The following GABRB1 variants were observed in gnomAD, a reference collection of about 807,000 sequenced individuals.
The protein encoded by GABRB1 is gamma-aminobutyric acid type A receptor subunit beta1.
In GABRB1, 17 loss-of-function variants were observed where a neutral mutation model predicts 51.6. That is an observed-to-expected ratio of 0.33 (90% CI 0.23 to 0.49). The LOEUF (loss-of-function observed/expected upper bound fraction) is 0.49. Ranked by LOEUF, GABRB1 falls within the 20% of genes least tolerant of loss-of-function variation. The probability of loss-of-function intolerance (pLI) is 0.99; values close to 1 mark genes in which losing one functional copy is unlikely to be tolerated. For synonymous variants in GABRB1, 247 were observed against 218.9 expected, an observed-to-expected ratio of 1.13 and a Z score of -1.14; for missense variants, 410 against 600.6, an observed-to-expected ratio of 0.68 and a Z score of 3.32.
chr4:47,086,782 A>G (rs113882538), intron 3 of GABRB1, among the ~76,000 whole-genome samples: 3 of 152,206 alleles, frequency 2.0e-5, no homozygotes, highest in African/African-American at 7.2e-5. Context: ...TCTCACATAG[A>G]GCTCTCATTT....
chr4:47,353,960 A>G (rs1726458335), intron 5 of GABRB1, among the ~76,000 whole-genome samples: 1 of 152,006 alleles, frequency 6.6e-6, no homozygotes, highest in Non-Finnish European at 1.5e-5. Flanking sequence ...ACACACACAC[A>G]TTTATCTCCC....
At chr4:47,167,240 T>C (rs1718228891) in intron 4 of GABRB1, among the ~76,000 whole-genome samples, 3 of 152,122 alleles carry the variant, frequency 2.0e-5, no homozygotes, top group Admixed American at 6.6e-5. Context: ...AATGACCAGA[T>C]GTATTCTGCC....
intron 3 of GABRB1, among the ~76,000 whole-genome samples, chr4:47,119,523 T>A (rs1715664479): frequency 6.6e-6 from 1 of 151,582 alleles, no homozygotes; most frequent in Non-Finnish European, 1.5e-5. Context: ...TTTTTTTTTT[T>A]TTGAGACTGA....
intron 5 of GABRB1, among the ~76,000 whole-genome samples, chr4:47,328,498 C>G (rs1255965665): frequency 6.6e-6 from 1 of 152,108 alleles, no homozygotes; most frequent in Non-Finnish European, 1.5e-5. Context: ...TTCATAATAG[C>G]AAAGACTTGG....
chr4:47,403,191 T>C (rs548028914), intron 5 of GABRB1, 127 bp from the exon 6 acceptor site: 2 of 926,692 alleles, frequency 2.2e-6, no homozygotes, highest in South Asian at 3.3e-5. Context: ...GAGACCTGCA[T>C]ACCACCCTAG....
intron 5 of GABRB1, among the ~76,000 whole-genome samples, chr4:47,353,531 T>C (rs1480197879): frequency 6.6e-6 from 1 of 152,188 alleles, no homozygotes; most frequent in Non-Finnish European, 1.5e-5. Context: ...CTTCCCACCT[T>C]TATAGGCGAA....
chr4:46,998,264 A>G (rs576114136), intron 1 of GABRB1, among the ~76,000 whole-genome samples: 7 of 152,206 alleles, frequency 4.6e-5, no homozygotes, highest in Non-Finnish European at 1.0e-4. Context: ...CTATTATAGT[A>G]TGTATTTTAG....
At chr4:47,328,400 T>C (rs1254534626) in intron 5 of GABRB1, among the ~76,000 whole-genome samples, 2 of 152,214 alleles carry the variant, frequency 1.3e-5, no homozygotes, top group East Asian at 1.9e-4. Flanking sequence ...GCCTATGTCC[T>C]GAATGGTCTT....
intron 5 of GABRB1, among the ~76,000 whole-genome samples, chr4:47,358,342 G>A (rs1463335184): frequency 6.6e-6 from 1 of 150,944 alleles, no homozygotes; most frequent in Non-Finnish European, 1.5e-5. Context: ...CTATATATAT[G>A]CATATTATAT....
intron 5 of GABRB1, among the ~76,000 whole-genome samples, chr4:47,338,890 T>TG (rs1255115513): frequency 6.6e-6 from 1 of 152,152 alleles, no homozygotes; most frequent in African/African-American, 2.4e-5. Context: ...AAATGGGAGT[T>TG]GGGGGCAGAT....
intron 5 of GABRB1, among the ~76,000 whole-genome samples, chr4:47,350,119 T>A (rs1488351436): frequency 6.7e-6 from 1 of 149,746 alleles, no homozygotes; most frequent in Non-Finnish European, 1.5e-5. Context: ...AAATATATTG[T>A]ATTTATTACT....
intron 3 of GABRB1, among the ~76,000 whole-genome samples, chr4:47,058,066 C>T (rs1726695673): frequency 6.6e-6 from 1 of 152,178 alleles, no homozygotes; most frequent in Non-Finnish European, 1.5e-5. Context: ...AATCTACCAC[C>T]TGAAGAGGCT....
intron 1 of GABRB1, among the ~76,000 whole-genome samples, chr4:47,000,143 A>G (rs1724134725): frequency 1.3e-5 from 2 of 152,230 alleles, no homozygotes; most frequent in African/African-American, 4.8e-5. Context: ...CTTTCTCTCA[A>G]TAATGATAAT....
intron 1 of GABRB1, among the ~76,000 whole-genome samples, chr4:47,014,874 C>CA (rs1724698912): frequency 6.7e-6 from 1 of 149,338 alleles, no homozygotes; most frequent in Admixed American, 6.8e-5. Context: ...GTTTGGGAAA[C>CA]TATAGTATTT....
At chr4:47,404,528 C>CACACAT (rs1175767827) in intron 7 of GABRB1, among the ~76,000 whole-genome samples, 4 of 150,856 alleles carry the variant, frequency 2.7e-5, no homozygotes, top group Admixed American at 6.6e-5. Context: ...CACACACACA[C>CACACAT]ATCATTTCTG....
At chr4:47,379,022 A>T (rs567124359) in intron 5 of GABRB1, among the ~76,000 whole-genome samples, 1 of 152,308 alleles carries the variant, frequency 6.6e-6, no homozygotes, top group Admixed American at 6.5e-5. Flanking sequence ...ATCCCTCATT[A>T]TATTCAAGAT....
chr4:47,019,631 C>CTTTCTTT (rs879832136), intron 1 of GABRB1, among the ~76,000 whole-genome samples: 1 of 118,600 alleles, frequency 8.4e-6, no homozygotes, highest in Non-Finnish European at 1.7e-5. Context: ...CTCTCTCTTT[C>CTTTCTTT]TTTCTTTCTT....
At chr4:47,048,928 A>ACAATT (rs1408279347) in intron 3 of GABRB1, among the ~76,000 whole-genome samples, 1 of 152,104 alleles carries the variant, frequency 6.6e-6, no homozygotes, top group African/African-American at 2.4e-5. Flanking sequence ...TCCTACCCAA[A>ACAATT]CAATTGAGTT....
intron 4 of GABRB1, among the ~76,000 whole-genome samples, chr4:47,211,657 A>G (rs1185185313): frequency 6.6e-6 from 1 of 152,194 alleles, no homozygotes; most frequent in Non-Finnish European, 1.5e-5. Flanking sequence ...GGCTTAAATA[A>G]CACACATTTC....
Sources: gnomAD v4.1 joint callset for allele counts (sites outside exome capture counted in the v4.1 genomes callset) on GRCh38, gnomAD v4.1.1 for gene constraint, MANE v1.5 for transcripts, NCBI Gene and HGNC (gene_info 2026-07-23, HGNC 2026-07-21) for gene names.